The following ERI1 variants were observed in gnomAD, a reference collection of about 807,000 sequenced individuals.
The protein encoded by ERI1 is 3'-5' exoribonuclease 1.
A neutral mutation model predicts 39.7 loss-of-function variants in ERI1; 39 were observed. The observed-to-expected ratio is 0.98, with a 90% CI of 0.76 to 1.28. The LOEUF (loss-of-function observed/expected upper bound fraction) is 1.28. ERI1 is among the 50% of genes most tolerant of loss of function. ERI1 has a pLI of 0.00. For missense variants in ERI1, 581 were observed against 416.9 expected (o/e 1.39, Z -3.43); for synonymous variants, 204 against 149.6 (o/e 1.36, Z -2.65).
chr8:9,048,735 C>T (rs968200579), intron 3 of ERI1, among the ~76,000 whole-genome samples: 4 of 152,194 alleles, frequency 2.6e-5, no homozygotes, highest in Non-Finnish European at 2.9e-5. Context: ...GCCTCAATCT[C>T]CCTAGCTCAG....
chr8:9,038,378 C>T (rs1797916906), intron 3 of ERI1, among the ~76,000 whole-genome samples: 1 of 152,208 alleles, frequency 6.6e-6, no homozygotes, highest in East Asian at 1.9e-4. Context: ...CATGTTATAG[C>T]TTGTCATCAG....
intron 3 of ERI1, among the ~76,000 whole-genome samples, chr8:9,090,679 T>C (rs1447944186): frequency 6.6e-6 from 1 of 152,184 alleles, no homozygotes; most frequent in Non-Finnish European, 1.5e-5. Context: ...TAGATAAAAC[T>C]ATGTCCTCAG....
At chr8:9,009,071 T>A (rs183793422) in intron 2 of ERI1, 21 of 456,272 alleles carry the variant, frequency 4.6e-5, no homozygotes, top group African/African-American at 4.2e-4. Flanking sequence ...CGAGCAAAAT[T>A]TTTGTCCTTC....
intron 6 of ERI1, among the ~76,000 whole-genome samples, chr8:9,028,878 C>T (rs2117295609): frequency 6.6e-6 from 1 of 152,120 alleles, no homozygotes; most frequent in South Asian, 2.1e-4. Flanking sequence ...CCTGCCTTGG[C>T]CTCCCAAAGT....
chr8:9,003,111 C>G lies in ERI1; in HGVS notation c.48C>G (p.Leu16=), dbSNP rs537767300. 24 of 1,245,756 alleles carry G rather than the reference C, an allele frequency of 1.9e-5. No individual in the cohort carries two copies. The South Asian group carries it at 2.0e-4, about 10-fold the overall frequency. 77.2% of individuals were successfully genotyped at this position (1,245,756 alleles called of 1,614,324 possible). A position where few individuals can be genotyped will look rare whatever the true frequency, so the allele number is the denominator to read the frequency against. Reference sequence around the variant, plus strand: ...AGCCTGCCGGCGAGGCCGTGGCTCTCGCGCTGCTGGAGTCGCCGCGGCCGG... The same window carrying G: ...AGCCTGCCGGCGAGGCCGTGGCTCTGGCGCTGCTGGAGTCGCCGCGGCCGG... The part of the protein sequence containing the change: ...SKEPAGEAVA[L]ALLESPRPEG... Residue 16 remains leucine, a synonymous_variant, in exon 1 of 7, where the codon CTC becomes CTG. Coordinates refer to ENST00000250263, the MANE Select transcript of ERI1 (RefSeq NM_153332.4).
chr8:9,055,058 A>T (rs1266401288), intron 3 of ERI1, among the ~76,000 whole-genome samples: 1 of 152,228 alleles, frequency 6.6e-6, no homozygotes. Flanking sequence ...AGTAAACAAC[A>T]ATTCGCGAAT....
Position 9,005,156 on chromosome 8 carries a change from G to A in ERI1, c.108+1985G>A, listed in dbSNP as rs548275294. 1.6e-4 allele frequency among the ~76,000 whole-genome samples: 25 copies of A among 152,142 alleles called. No individual in the cohort carries two copies. In the East Asian group the frequency reaches 4.8e-3, roughly 29 times the overall value. The stretch of plus-strand genomic sequence containing the variant: ...ATCAGAACTCTCCTTTTGGAAGAAC[G>A]TCAATCAAGAAAAATTCTAAGTTTT... On this transcript the variant is annotated intron_variant, in intron 1 of 6. Transcript: ENST00000250263.
chr8:9,022,332 A>G (rs1172796429), intron 6 of ERI1, among the ~76,000 whole-genome samples: 2 of 152,086 alleles, frequency 1.3e-5, no homozygotes, highest in Admixed American at 6.6e-5. Flanking sequence ...ACTGGTCTAT[A>G]GATTTTTACT....
chr8:9,004,201 T>A, intron 1 of ERI1: 1 of 1,284,718 alleles, frequency 7.8e-7, no homozygotes, highest in East Asian at 5.6e-5. Flanking sequence ...CTAAGGTTGT[T>A]ATTTCAAAGA....
At chr8:9,067,382 A>G (rs975870894) in intron 3 of ERI1, among the ~76,000 whole-genome samples, 203 of 144,006 alleles carry the variant, frequency 1.4e-3, no homozygotes, top group African/African-American at 3.0e-3. Flanking sequence ...ACCTGTGTGC[A>G]TGTGTGTGTG....
At chr8:9,055,909 A>T (rs558986326) in intron 3 of ERI1, among the ~76,000 whole-genome samples, 28 of 152,190 alleles carry the variant, frequency 1.8e-4, no homozygotes, top group Non-Finnish European at 3.7e-4. Context: ...TACCTTGGGG[A>T]AGAGGAATAC....
chr8:9,040,563 A>G (rs1257175617), intron 3 of ERI1, among the ~76,000 whole-genome samples: 2 of 152,210 alleles, frequency 1.3e-5, no homozygotes, highest in Non-Finnish European at 2.9e-5. Flanking sequence ...TTCCAAATTA[A>G]TTAGGTCATC....
chr8:9,011,648 A>G lies in ERI1; in HGVS notation c.394A>G (p.Ile132Val), dbSNP rs763894869. The G allele has an allele frequency of 1.2e-6, 2 of 1,613,616 alleles. No individual in the cohort carries two copies. Among genetic ancestry groups the G allele is most frequent in the East Asian group, 2.2e-5 (1 of 44,854 alleles). ...FADSYYDYICIIDFEATCEEG... is the reference protein window; with the variant it reads ...FADSYYDYICVIDFEATCEEG... Reference sequence around the variant, plus strand: ...TGACAGTTATTATGACTACATTTGTATTATTGACTTTGAAGCCACTTGTGA... The same window carrying G: ...TGACAGTTATTATGACTACATTTGTGTTATTGACTTTGAAGCCACTTGTGA... The change falls in exon 3 of 7, where the codon ATT (isoleucine) becomes GTT (valine). Residue 132 changes from isoleucine (I) to valine (V), a missense_variant. Transcript: ENST00000250263.
At chr8:9,007,760 A>T (rs1816174958) in intron 1 of ERI1, among the ~76,000 whole-genome samples, 1 of 152,014 alleles carries the variant, frequency 6.6e-6, no homozygotes, top group Non-Finnish European at 1.5e-5. Context: ...GAACCTCATG[A>T]CTCATAATAG....
At chr8:9,078,275 C>T (rs1003857149) in intron 3 of ERI1, among the ~76,000 whole-genome samples, 1 of 152,208 alleles carries the variant, frequency 6.6e-6, no homozygotes, top group Non-Finnish European at 1.5e-5. Context: ...CAAGTGTGAG[C>T]CACCACACCT....
rs186115798 is a variant in ERI1, at chr8:9,040,303, A to C, written n.299+19839A>C. ...CAAGTCCCCAAACATCCCCATTTCTAAATCCCCTTTTACGGAAGTTTAGAA... is the reference window on the plus strand; with the variant it reads ...CAAGTCCCCAAACATCCCCATTTCTCAATCCCCTTTTACGGAAGTTTAGAA... On this transcript the variant is annotated intron_variant and non_coding_transcript_variant, in intron 3 of 3. Transcript: ENST00000518663. Among the ~76,000 whole-genome samples, 256 of 152,318 alleles carry C rather than the reference A, an allele frequency of 1.7e-3. 3 individuals are homozygous for C. Among genetic ancestry groups the C allele is most frequent in the East Asian group, 9.6e-4 (5 of 5,184 alleles).
intron 3 of ERI1, among the ~76,000 whole-genome samples, chr8:9,085,721 G>C (rs772081476): frequency 2.0e-5 from 3 of 152,022 alleles, no homozygotes; most frequent in Non-Finnish European, 4.4e-5. Context: ...TGATGAGACA[G>C]TAAAAGTTAG....
chr8:9,080,050 C>T (rs909883651), intron 3 of ERI1, among the ~76,000 whole-genome samples: 5 of 149,398 alleles, frequency 3.3e-5, no homozygotes, highest in African/African-American at 4.9e-5. Flanking sequence ...AGTTGTTTGT[C>T]AGGAGCTGGC....
chr8:9,089,959 C>A (rs747487679), intron 3 of ERI1, among the ~76,000 whole-genome samples: 9 of 152,022 alleles, frequency 5.9e-5, no homozygotes, highest in Non-Finnish European at 1.2e-4. Flanking sequence ...CTGACTCGAC[C>A]GTTGGCAAAG....
Sources: allele counts gnomAD v4.1 joint callset (sites outside exome capture counted in the v4.1 genomes callset), GRCh38; gene constraint gnomAD v4.1.1; transcripts MANE v1.5; gene names NCBI Gene and HGNC (gene_info 2026-07-23, HGNC 2026-07-21).